The following NAV3 variants were observed in gnomAD, a reference collection of about 807,000 sequenced individuals.
NAV3 encodes the protein neuron navigator 3.
In NAV3, 87 loss-of-function variants were observed where a neutral mutation model predicts 244.7. The ratio of observed to expected loss-of-function variants is 0.36; its 90% confidence interval spans 0.30 to 0.42. NAV3 has a LOEUF of 0.42. Among genes scored for constraint, NAV3 ranks in the 20% least tolerant of loss-of-function variants. The pLI, the probability that NAV3 is intolerant of heterozygous loss-of-function variation, is 1.00. For synonymous variants in NAV3, 1,126 were observed against 1,042.2 expected, an observed-to-expected ratio of 1.08 and a Z score of -1.55; for missense variants, 2,663 against 2,893.3, an observed-to-expected ratio of 0.92 and a Z score of 1.83.
At chr12:78,053,005 G>A (rs1282408452) in intron 11 of NAV3, among the ~76,000 whole-genome samples, 2 of 151,900 alleles carry the variant, frequency 1.3e-5, no homozygotes, top group Non-Finnish European at 2.9e-5. Context: ...GATCGCCTGA[G>A]GTCAGGAGTT....
At chr12:78,138,842 G>T (rs2139039189) in intron 19 of NAV3, among the ~76,000 whole-genome samples, 1 of 152,228 alleles carries the variant, frequency 6.6e-6, no homozygotes, top group South Asian at 2.1e-4. Flanking sequence ...GCTTTTTTGT[G>T]CTCACGCATT....
chr12:77,692,282 A>G (rs1918542), intron 2 of NAV3, among the ~76,000 whole-genome samples: 15,314 of 152,060 alleles, frequency 0.1, 2,148 homozygotes, highest in African/African-American at 0.32. Context: ...AAAATATTTT[A>G]CATTTATGAT....
At chr12:78,046,917 G>A (rs886766054) in intron 9 of NAV3, among the ~76,000 whole-genome samples, 5 of 152,130 alleles carry the variant, frequency 3.3e-5, no homozygotes, top group Admixed American at 6.5e-5. Flanking sequence ...GGGTGCTTCT[G>A]TTTTGGGTGC....
chr12:77,788,728 C>T (rs181128372), intron 2 of NAV3, among the ~76,000 whole-genome samples: 3 of 151,284 alleles, frequency 2.0e-5, no homozygotes, highest in East Asian at 3.9e-4. Flanking sequence ...GGCATGAGTA[C>T]TGCGGTCATG....
intron 1 of NAV3, among the ~76,000 whole-genome samples, chr12:77,901,948 T>C (rs1022696968): frequency 2.0e-5 from 3 of 152,162 alleles, no homozygotes; most frequent in Admixed American, 2.0e-4. Context: ...ACAATAGTTG[T>C]CCACCATATG....
Position 77,696,465 on chromosome 12 carries a change from G to A in NAV3, c.72+124199G>A, listed in dbSNP as rs117835056. 8.5e-3 allele frequency among the ~76,000 whole-genome samples: 1,287 copies of A among 152,176 alleles called. 6 individuals are homozygous for A. The highest frequency in any genetic ancestry group is 0.017 in the Middle Eastern group (5 of 294). On this transcript the variant is annotated intron_variant, in intron 2 of 8. Transcript: ENST00000550042. ...CTGAATTTTGCCAATAACCATATGC[G>A]TTCTGAAGCAGATTTCTCCCTAGAT...
intron 2 of NAV3, among the ~76,000 whole-genome samples, chr12:77,664,059 TACAGTTTGGTGACCATA>T (rs1453760030): frequency 6.6e-6 from 1 of 152,248 alleles, no homozygotes; most frequent in East Asian, 1.9e-4. Flanking sequence ...TTTAGCATGG[TACAGTTTGGTGACCATA>T]ACACGATGGT....
At chr12:78,203,134 C>G (rs1233441401) in intron 38 of NAV3, among the ~76,000 whole-genome samples, 4 of 152,026 alleles carry the variant, frequency 2.6e-5, no homozygotes, top group African/African-American at 7.2e-5. Context: ...ATCAATTCAT[C>G]TCATTCTGAA....
At chr12:77,770,921 A>G (rs1464560610) in intron 2 of NAV3, among the ~76,000 whole-genome samples, 3 of 152,172 alleles carry the variant, frequency 2.0e-5, no homozygotes, top group African/African-American at 7.2e-5. Context: ...ATGGGATCTA[A>G]TTAAACTAAA....
chr12:77,963,577 A>G (rs1892224000), intron 3 of NAV3, among the ~76,000 whole-genome samples: 1 of 152,198 alleles, frequency 6.6e-6, no homozygotes, highest in Admixed American at 6.5e-5. Context: ...TTAACAATAA[A>G]TGTTGAATAA....
chr12:77,609,805 A>G (rs575512155), intron 2 of NAV3, among the ~76,000 whole-genome samples: 1 of 152,050 alleles, frequency 6.6e-6, no homozygotes, highest in Non-Finnish European at 1.5e-5. Flanking sequence ...TCAAGGTCTC[A>G]GGAGCTCTCT....
intron 12 of NAV3, among the ~76,000 whole-genome samples, chr12:78,072,074 G>A (rs1006695851): frequency 1.3e-5 from 2 of 152,080 alleles, no homozygotes; most frequent in Non-Finnish European, 2.9e-5. Context: ...ATGCCCACAA[G>A]AGAAAGCAGA....
intron 3 of NAV3, chr12:77,950,442 T>C (rs1310859741): frequency 1.3e-5 from 2 of 152,192 alleles, no homozygotes; most frequent in East Asian, 3.8e-4. Flanking sequence ...TATGCTTATA[T>C]GTCTTCAGTA....
At position 78,204,791 on chromosome 12, in the gene NAV3, G is replaced by C. The variant is rs982961899; in HGVS notation, c.6835-144G>C. On this transcript the variant is annotated intron_variant, in intron 38 of 39. Coordinates refer to ENST00000397909, the MANE Select transcript of NAV3 (RefSeq NM_001024383.2). ...GTAGACAGATACATGTTTTAAATCT[G>C]CAAAACTGTATACAGATACTTAATT... 5.9e-6 allele frequency: 4 copies of C among 676,598 alleles called. No individual in the cohort carries two copies. In the African/African-American group the frequency reaches 7.3e-5, roughly 12 times the overall value. 41.9% of individuals were successfully genotyped at this position (676,598 alleles called of 1,614,324 possible).
intron 1 of NAV3, among the ~76,000 whole-genome samples, chr12:77,905,542 T>A (rs1291084982): frequency 6.6e-6 from 1 of 152,100 alleles, no homozygotes; most frequent in Non-Finnish European, 1.5e-5. Flanking sequence ...ACTTACTGTA[T>A]TTTTTTCCTT....
At position 78,006,451 on chromosome 12, in the gene NAV3, G is replaced by A. The variant is rs756859196; in HGVS notation, c.913G>A (p.Val305Ile). Residue 305 changes from valine to isoleucine, a missense_variant, in exon 8 of 40, where the codon GTA (valine) becomes ATA (isoleucine). Physicochemically the swap from Val to Ile is conservative, Grantham distance 29. Coordinates refer to ENST00000397909, the MANE Select transcript of NAV3 (RefSeq NM_001024383.2). The stretch of plus-strand genomic sequence containing the variant: ...CAAAGGACCTCAATCGTCTTCAGGT[G>A]TAAATGGTAACGTGCAGCCTCCCAG... ...SSKGPQSSSG[V>I]NGNVQPPSTA... The A allele has an allele frequency of 1.9e-6, 3 of 1,614,088 alleles. No homozygotes were observed. The highest frequency in any genetic ancestry group is 2.5e-6 in the Non-Finnish European group (3 of 1,179,992).
rs574319871 is a variant in NAV3 at position 77,650,544 on chromosome 12, T to A, written c.72+78278T>A. ...AATGCAGGATTTTAAAAGATTTAAATGTAAAAATCTGATGCAGAAAAGAAT... is the reference window on the plus strand; with the variant it reads ...AATGCAGGATTTTAAAAGATTTAAAAGTAAAAATCTGATGCAGAAAAGAAT... On this transcript the variant is annotated intron_variant, in intron 2 of 8. Coordinates refer to the NAV3 transcript ENST00000550042. Among the ~76,000 whole-genome samples the A allele has an allele frequency of 7.4e-4, 112 of 152,326 alleles. No individual in the cohort carries two copies. In the East Asian group the frequency reaches 0.016, roughly 22 times the overall value.
chr12:77,781,233 C>T (rs1870645619), intron 2 of NAV3, among the ~76,000 whole-genome samples: 1 of 152,072 alleles, frequency 6.6e-6, no homozygotes, highest in South Asian at 2.1e-4. Flanking sequence ...CCAAAGTTAG[C>T]CTGAAAAGAG....
At chr12:77,999,899 T>C (rs1872950863) in intron 7 of NAV3, among the ~76,000 whole-genome samples, 1 of 152,120 alleles carries the variant, frequency 6.6e-6, no homozygotes, top group South Asian at 2.1e-4. Context: ...GCTAACAGGC[T>C]TAGAAATAAA....
Sources: gnomAD v4.1 joint callset for allele counts (sites outside exome capture counted in the v4.1 genomes callset) on GRCh38, gnomAD v4.1.1 for gene constraint, MANE v1.5 for transcripts, NCBI Gene and HGNC (gene_info 2026-07-23, HGNC 2026-07-21) for gene names.